The following PRCP variants were observed in gnomAD, a reference collection of about 807,000 sequenced individuals.
The protein encoded by PRCP is prolylcarboxypeptidase.
In PRCP, 46 loss-of-function variants were observed where a neutral mutation model predicts 54.2. The observed-to-expected ratio is 0.85, with a 90% CI of 0.67 to 1.09. The LOEUF (loss-of-function observed/expected upper bound fraction) is 1.09, where lower values mean the gene tolerates loss of function less well. Ranked by LOEUF, PRCP falls within the 50% of genes least tolerant of loss-of-function variation. PRCP has a pLI of 0.00. For missense variants in PRCP, 613 were observed against 596.8 expected, an observed-to-expected ratio of 1.03 and a Z score of -0.28; for synonymous variants, 240 against 212.2, an observed-to-expected ratio of 1.13 and a Z score of -1.14.
In PRCP at chr11:82,889,871, G is replaced by C. The variant is rs894362804; in HGVS notation, c.168+10364C>G. The stretch of plus-strand genomic sequence containing the variant: ...AAAGAACAGTGATTCAACTGGAGGA[G>C]AGGTGATTTATGTGACAACCCATGG... On this transcript the variant is annotated intron_variant, in intron 1 of 8. Coordinates refer to ENST00000313010, the MANE Select transcript of PRCP (RefSeq NM_005040.4). Among the ~76,000 whole-genome samples the C allele has an allele frequency of 2.0e-5, 3 of 152,208 alleles. 1 individual carries two copies. The highest frequency in any genetic ancestry group is 7.2e-5 in the African/African-American group (3 of 41,444).
At position 82,823,385 on chromosome 11, in the gene PRCP, C is replaced by CA. The variant is rs1858143170; in HGVS notation, c.*1520dup. On this transcript the variant is annotated 3_prime_UTR_variant, in exon 9 of 9. Coordinates refer to ENST00000313010, the MANE Select transcript of PRCP (RefSeq NM_005040.4). ...AATCGATTGTTCTGTGATGCTGAAA[C>CA]AAAATAGTTACCAAATGCTTTGATA... 6.6e-6 allele frequency: 1 copy of CA among 152,032 alleles called. No individual in the cohort carries two copies. Among genetic ancestry groups the CA allele is most frequent in the Non-Finnish European group, 1.5e-5 (1 of 67,978 alleles). The allele number at this position is 152,032 out of a possible 1,614,324, so 9.4% of individuals were successfully genotyped here. A position where few individuals can be genotyped will look rare whatever the true frequency, so the allele number is the denominator to read the frequency against.
chr11:82,837,118 C>A (rs11233335), intron 8 of PRCP: 1 of 220,756 alleles, frequency 4.5e-6, no homozygotes, highest in East Asian at 1.2e-4. Context: ...GAAGGGCATC[C>A]GACTCTATTT....
At chr11:82,886,429 T>G (rs1035025914) in intron 1 of PRCP, among the ~76,000 whole-genome samples, 1 of 152,072 alleles carries the variant, frequency 6.6e-6, no homozygotes, top group Non-Finnish European at 1.5e-5. Context: ...AGACCACAGG[T>G]GCACACCACC....
intron 6 of PRCP, among the ~76,000 whole-genome samples, chr11:82,841,654 AAGGAATACC>A (rs1441712115): frequency 6.6e-6 from 1 of 152,224 alleles, no homozygotes; most frequent in African/African-American, 2.4e-5. Flanking sequence ...TCATAAGAAT[AAGGAATACC>A]AGGGTTTAGG....
intron 3 of PRCP, 67 bp downstream of exon 3, chr11:82,853,110 A>G (rs2298669): frequency 0.056 from 66,788 of 1,184,994 alleles, 4,345 homozygotes; most frequent in African/African-American, 0.3. Flanking sequence ...AGTGGGGCAT[A>G]TAATTTAGAA....
At chr11:82,839,446 A>C in intron 6 of PRCP, 21 bp from the exon 7 acceptor site, 1 of 1,592,522 alleles carries the variant, frequency 6.3e-7, no homozygotes, top group Non-Finnish European at 8.6e-7. Flanking sequence ...AGAAAGATAA[A>C]TGGGGAAAGA....
At chr11:82,831,255 A>G (rs916312861) in intron 8 of PRCP, 7 of 152,126 alleles carry the variant, frequency 4.6e-5, no homozygotes, top group African/African-American at 1.7e-4. Context: ...AATGCCTACA[A>G]GTTGGGAAAG....
chr11:82,838,664 G>C, intron 7 of PRCP, 90 bp from the exon 8 acceptor site: 7 of 1,326,646 alleles, frequency 5.3e-6, no homozygotes, highest in Non-Finnish European at 7.2e-6. Context: ...CTGGTAAGTA[G>C]TGAAGGCAGG....
Position 82,823,246 on chromosome 11 carries a change from G to A in PRCP, c.*1660C>T, listed in dbSNP as rs568259708. Among the ~76,000 whole-genome samples, 9 of 152,116 alleles carry A rather than the reference G, an allele frequency of 5.9e-5. No individual in the cohort carries two copies. In the South Asian group the frequency reaches 1.0e-3, roughly 18 times the overall value. Reference sequence around the variant, plus strand: ...TACACAAGGGAAAAACCCTAAAATCGTAAAATAAATTGTAAGAATATCCTC... The same window carrying A: ...TACACAAGGGAAAAACCCTAAAATCATAAAATAAATTGTAAGAATATCCTC... On this transcript the variant is annotated 3_prime_UTR_variant, in exon 9 of 9. Transcript: ENST00000313010.
At chr11:82,851,204 T>G (rs910950757) in intron 3 of PRCP, among the ~76,000 whole-genome samples, 10 of 152,134 alleles carry the variant, frequency 6.6e-5, no homozygotes, top group African/African-American at 2.4e-4. Context: ...TCTTTTAAAA[T>G]ATGTCTGCAA....
Position 82,863,871 on chromosome 11 carries a change from G to C in PRCP, c.169-3754C>G, listed in dbSNP as rs555774374. Among the ~76,000 whole-genome samples the C allele has an allele frequency of 1.6e-3, 242 of 152,272 alleles. 2 individuals are homozygous for C. The highest frequency in any genetic ancestry group is 5.6e-3 in the African/African-American group (234 of 41,538). ...TTGTTAAGATTGGGGAAAAGAGAGAGGAACCCTGGCAAGAAAGCAGACTTC... is the reference window on the plus strand; with the variant it reads ...TTGTTAAGATTGGGGAAAAGAGAGACGAACCCTGGCAAGAAAGCAGACTTC... On this transcript the variant is annotated intron_variant, in intron 1 of 8. Coordinates refer to ENST00000313010, the MANE Select transcript of PRCP (RefSeq NM_005040.4).
chr11:82,840,749 G>A (rs1858643284), intron 6 of PRCP: 1 of 151,336 alleles, frequency 6.6e-6, no homozygotes, highest in Admixed American at 6.6e-5. Context: ...AATCTTCAAA[G>A]AACCCTATCA....
At chr11:82,870,601 T>A (rs1441506378) in intron 1 of PRCP, among the ~76,000 whole-genome samples, 1 of 152,164 alleles carries the variant, frequency 6.6e-6, no homozygotes, top group Non-Finnish European at 1.5e-5. Flanking sequence ...AAGTAATCTA[T>A]TAAAAGAGAT....
chr11:82,823,902 C>T lies in PRCP; in HGVS notation c.*1004G>A, dbSNP rs1288655124. 2.0e-5 allele frequency: 3 copies of T among 152,194 alleles called. No individual in the cohort carries two copies. Among genetic ancestry groups the T allele is most frequent in the Admixed American group, 6.5e-5 (1 of 15,278 alleles). The allele number at this position is 152,194 out of a possible 1,614,324, so 9.4% of individuals were successfully genotyped here. A position where few individuals can be genotyped will look rare whatever the true frequency, so the allele number is the denominator to read the frequency against. Reference sequence around the variant, plus strand: ...GTCAGCTTGTCTTTTGGAAGTCATACAGAAAAGTTCTTGTGCACCTGCCTG... The same window carrying T: ...GTCAGCTTGTCTTTTGGAAGTCATATAGAAAAGTTCTTGTGCACCTGCCTG... On this transcript the variant is annotated 3_prime_UTR_variant, in exon 9 of 9. Transcript: ENST00000313010.
At chr11:82,848,959 T>C (rs893129526) in intron 6 of PRCP, 90 bp downstream of exon 6, 6 of 1,344,482 alleles carry the variant, frequency 4.5e-6, no homozygotes, top group Non-Finnish European at 5.1e-6. Flanking sequence ...CCTTTGTCAC[T>C]GGGACTTTCT....
chr11:82,850,114 A>AT (rs1555014891), intron 4 of PRCP, 43 bp from the exon 5 acceptor site: 52 of 816,478 alleles, frequency 6.4e-5, no homozygotes, highest in South Asian at 2.8e-4. Context: ...GAAAAGAAAA[A>AT]ATATATATAT....
upstream of PRCP, chr11:82,901,056 T>C: frequency 2.7e-6 from 1 of 372,586 alleles, no homozygotes. Flanking sequence ...ACTAGATCAC[T>C]CAGCAGTGAG....
intron 1 of PRCP, among the ~76,000 whole-genome samples, chr11:82,879,071 T>C (rs973243388): frequency 6.6e-6 from 1 of 152,234 alleles, no homozygotes; most frequent in African/African-American, 2.4e-5. Context: ...TGAATTTGAA[T>C]GTTGGCCTGC....
At chr11:82,849,290 T>C (rs2121138586) in intron 5 of PRCP, 72 bp from the exon 6 acceptor site, 2 of 1,497,022 alleles carry the variant, frequency 1.3e-6, no homozygotes, top group Middle Eastern at 1.8e-4. Flanking sequence ...TCATTTATTC[T>C]TCACATAGTA....
Sources: allele counts gnomAD v4.1 joint callset (sites outside exome capture counted in the v4.1 genomes callset), GRCh38; gene constraint gnomAD v4.1.1; transcripts MANE v1.5; gene names NCBI Gene and HGNC (gene_info 2026-07-23, HGNC 2026-07-21).